HBS1L: variants seen among roughly 807,000 people sequenced by gnomAD.
HBS1L encodes the protein HBS1-like protein.
In HBS1L, 55 loss-of-function variants were observed where a neutral mutation model predicts 88.9. That is an observed-to-expected ratio of 0.62 (90% CI 0.50 to 0.77). The LOEUF (loss-of-function observed/expected upper bound fraction) is 0.77, where lower values mean the gene tolerates loss of function less well. HBS1L is among the 30% of genes least tolerant of loss of function. HBS1L has a pLI of 0.00. For synonymous variants in HBS1L, 267 were observed against 288.5 expected (o/e 0.93, Z 0.76); for missense variants, 741 against 829.3 (o/e 0.89, Z 1.31).
chr6:134,997,495 G>T lies in HBS1L; in HGVS notation c.701C>A (p.Pro234Gln). The change falls in exon 6 of 18, where the codon CCG becomes CAG. Residue 234 changes from proline to glutamine, a missense_variant. Pro to Gln is a moderately conservative substitution (Grantham distance 76). Around this residue, in one of 3 missense-constraint regions of HBS1L, gnomAD observed 556 missense variants for 598.4 expected, o/e 0.93. Transcript: ENST00000367837. ...CCTCAGCTTGCCAGACTTTTTCACC[G>T]GTGCTGGGGTTGAACTCTGCTCTTC... ...ASEEQSSTPA[P>Q]VKKSGKLRQQ... 6.2e-7 allele frequency: 1 copy of T among 1,613,986 alleles called. No homozygotes were observed. The highest frequency in any genetic ancestry group is 8.5e-7 in the Non-Finnish European group (1 of 1,179,978).
intron 1 of HBS1L, among the ~76,000 whole-genome samples, chr6:135,053,236 T>C (rs1481433519): frequency 1.3e-5 from 2 of 152,204 alleles, no homozygotes; most frequent in African/African-American, 4.8e-5. Context: ...TGTTCTCATC[T>C]GTGTATCCCT....
chr6:135,009,940 T>C (rs879895713), intron 4 of HBS1L, among the ~76,000 whole-genome samples: 1 of 152,146 alleles, frequency 6.6e-6, no homozygotes, highest in Non-Finnish European at 1.5e-5. Context: ...TAAATATTCT[T>C]TGGAAGGATA....
In HBS1L at chr6:135,030,343, ATGATTGAGAGTAAAG is replaced by A. The variant is rs548886831; in HGVS notation, c.430+9215_430+9229del. 3.0e-3 allele frequency among the ~76,000 whole-genome samples: 464 copies of A among 152,298 alleles called. 3 individuals carry two copies. The highest frequency in any genetic ancestry group is 7.9e-3 in the African/African-American group (327 of 41,574). On this transcript the variant is annotated intron_variant, in intron 4 of 17. Coordinates refer to ENST00000367837, the MANE Select transcript of HBS1L (RefSeq NM_006620.4). Reference sequence around the variant, plus strand: ...GTGCATATGAAAGTTCCCCTACCCCATGATTGAGAGTAAAGTGATATCGAAACTGCAATTCAAACA... The same window carrying A: ...GTGCATATGAAAGTTCCCCTACCCCATGATATCGAAACTGCAATTCAAACA...
chr6:135,022,097 T>C (rs1218674688), intron 4 of HBS1L, among the ~76,000 whole-genome samples: 1 of 152,162 alleles, frequency 6.6e-6, no homozygotes, highest in Non-Finnish European at 1.5e-5. Context: ...CCCCTATGCC[T>C]AGCACGTTTT....
In HBS1L at chr6:134,997,569, A is replaced by C. The variant is rs1370533798; in HGVS notation, c.627T>G (p.Leu209=). The C allele has an allele frequency of 6.2e-6, 10 of 1,614,100 alleles. No individual in the cohort carries two copies. Among genetic ancestry groups the C allele is most frequent in the East Asian group, 2.2e-5 (1 of 44,884 alleles). The change falls in exon 6 of 18, where the codon CTT becomes CTG. Residue 209 remains leucine, a synonymous_variant. Coordinates refer to ENST00000367837, the MANE Select transcript of HBS1L (RefSeq NM_006620.4). ...GATTAGCAGATTTAGAAGCAGTCTCAAGAACATCGGAAGAAGCAATGGCAT... is the reference window on the plus strand; with the variant it reads ...GATTAGCAGATTTAGAAGCAGTCTCCAGAACATCGGAAGAAGCAATGGCAT... ...IEDAIASSDV[L]ETASKSANPP... is the part of the protein sequence containing the mutation.
chr6:134,998,619 T>C (rs1445159726), intron 5 of HBS1L, among the ~76,000 whole-genome samples: 1 of 152,210 alleles, frequency 6.6e-6, no homozygotes, highest in Non-Finnish European at 1.5e-5. Context: ...ATAATAATCA[T>C]TTAAGATTGT....
chr6:135,049,055 C>A (rs1368499213), intron 2 of HBS1L, among the ~76,000 whole-genome samples: 1 of 152,216 alleles, frequency 6.6e-6, no homozygotes, highest in South Asian at 2.1e-4. Flanking sequence ...ATAAGACAGC[C>A]CAGCGGACTA....
At chr6:135,034,017 T>G (rs1480224913) in intron 4 of HBS1L, among the ~76,000 whole-genome samples, 1 of 152,166 alleles carries the variant, frequency 6.6e-6, no homozygotes, top group East Asian at 1.9e-4. Flanking sequence ...AACTCAAATT[T>G]TAAAATCATT....
At chr6:134,973,620 A>G (rs555731946) in intron 15 of HBS1L, among the ~76,000 whole-genome samples, 8 of 152,340 alleles carry the variant, frequency 5.3e-5, no homozygotes, top group African/African-American at 1.9e-4. Context: ...GTTCAAGACC[A>G]GCCTGGCCAA....
chr6:135,019,778 A>C (rs950447597), intron 4 of HBS1L, among the ~76,000 whole-genome samples: 2 of 151,904 alleles, frequency 1.3e-5, no homozygotes, highest in Non-Finnish European at 2.9e-5. Context: ...TTTTGAATTC[A>C]TGTGTGAGCA....
chr6:134,968,014 A>AT (rs368917756), intron 16 of HBS1L, among the ~76,000 whole-genome samples: 1 of 152,308 alleles, frequency 6.6e-6, no homozygotes, highest in African/African-American at 2.4e-5. Flanking sequence ...CCTAACAGAG[A>AT]AACAGGCAAG....
intron 15 of HBS1L, among the ~76,000 whole-genome samples, chr6:134,970,352 C>T (rs575342433): frequency 2.0e-5 from 3 of 152,216 alleles, no homozygotes; most frequent in South Asian, 2.1e-4. Context: ...AGGCTGGTCT[C>T]GAACTCCTGA....
At position 134,996,828 on chromosome 6, in the gene HBS1L, GC is replaced by G. The variant is rs767955359; in HGVS notation, c.913del (p.Ala305LeufsTer20). On this transcript the variant is annotated frameshift_variant, in exon 7 of 18. Transcript: ENST00000367837. LOFTEE classifies it high-confidence loss of function. ...YEQESKKAGK[A>X]SFAYAWVLDE... is the part of the protein sequence containing the mutation. ...CAAGACCCATGCATATGCAAACGAA[GC>G]TTTGCCAGCCTTTTTAGACTCCTGT... 1 of 1,611,384 alleles carries G rather than the reference GC, an allele frequency of 6.2e-7. No homozygotes were observed. The highest frequency in any genetic ancestry group is 8.5e-7 in the Non-Finnish European group (1 of 1,178,948).
intron 2 of HBS1L, 57 bp from the exon 3 acceptor site, chr6:135,042,183 T>G: frequency 6.8e-7 from 1 of 1,473,018 alleles, no homozygotes; most frequent in Non-Finnish European, 9.1e-7. Context: ...ATTAACTTTT[T>G]TTTACAAAAG....
intron 15 of HBS1L, among the ~76,000 whole-genome samples, chr6:134,973,115 G>A (rs1371920116): frequency 6.6e-6 from 1 of 152,222 alleles, no homozygotes; most frequent in African/African-American, 2.4e-5. Flanking sequence ...AGAATGGAAA[G>A]CAGGAATCTC....
At position 134,969,241 on chromosome 6, in the gene HBS1L, G is replaced by A; in HGVS notation, c.1895C>T (p.Pro632Leu). 1 of 1,602,232 alleles carries A rather than the reference G, an allele frequency of 6.2e-7. No individual in the cohort carries two copies. The highest frequency in any genetic ancestry group is 8.5e-7 in the Non-Finnish European group (1 of 1,169,678). ...KSTGEVTKKK[P>L]KFLTKGQNAL... Reference sequence around the variant, plus strand: ...ATTTCTGTATTAAAACACTCACTTAGGCTTTTTCTTTGTGACTTCACCCGT... The same window carrying A: ...ATTTCTGTATTAAAACACTCACTTAAGCTTTTTCTTTGTGACTTCACCCGT... The change falls in exon 16 of 18, where the codon CCT becomes CTT. Residue 632 changes from proline (P) to leucine (L), a missense_variant. By Grantham distance (98) the Pro-to-Leu change is moderately conservative. This residue lies in a region of HBS1L where 181 missense variants were observed against 212.7 expected (regional missense o/e 0.85). Coordinates refer to ENST00000367837, the MANE Select transcript of HBS1L (RefSeq NM_006620.4).
chr6:135,015,377 A>G (rs75722702), intron 4 of HBS1L, among the ~76,000 whole-genome samples: 2,470 of 152,252 alleles, frequency 0.016, 75 homozygotes, highest in African/African-American at 0.056. Flanking sequence ...CAAAGTTCAC[A>G]TGGCTGATTA....
intron 5 of HBS1L, 148 bp downstream of exon 5, chr6:135,002,586 T>C: frequency 2.0e-6 from 1 of 511,332 alleles, no homozygotes; most frequent in Non-Finnish European, 3.6e-6. Context: ...TTTTGTCTCT[T>C]TGTACTATGT....
At chr6:134,992,860 C>T (rs565549229) in intron 8 of HBS1L, among the ~76,000 whole-genome samples, 19 of 152,256 alleles carry the variant, frequency 1.2e-4, no homozygotes, top group Admixed American at 6.5e-5. Context: ...AGTATACAGT[C>T]GTGTCCTAGG....
Sources: gnomAD v4.1 joint callset for allele counts (sites outside exome capture counted in the v4.1 genomes callset) on GRCh38, gnomAD v4.1.1 for gene constraint, gnomAD v4.1.1 regional missense constraint, MANE v1.5 for transcripts, NCBI Gene and HGNC (gene_info 2026-07-23, HGNC 2026-07-21) for gene names.